The following VPS26A variants were observed in gnomAD, a reference collection of about 807,000 sequenced individuals.
VPS26A encodes vacuolar protein sorting-associated protein 26A.
A neutral mutation model predicts 42.4 loss-of-function variants in VPS26A; 22 were observed. The observed-to-expected ratio is 0.52, with a 90% confidence interval of 0.37 to 0.74. VPS26A has a LOEUF of 0.74. VPS26A is among the 30% of genes least tolerant of loss of function. The probability of loss-of-function intolerance (pLI) is 0.00; values close to 1 mark genes in which losing one functional copy is unlikely to be tolerated. For synonymous variants in VPS26A, 110 were observed against 123.5 expected, an observed-to-expected ratio of 0.89 and a Z score of 0.73; for missense variants, 276 against 379.2, an observed-to-expected ratio of 0.73 and a Z score of 2.26.
intron 8 of VPS26A, 138 bp from the exon 9 acceptor site, chr10:69,171,018 G>A: frequency 1.5e-6 from 1 of 682,124 alleles, no homozygotes; most frequent in Non-Finnish European, 2.4e-6. Flanking sequence ...GGAAGAAAGT[G>A]GAAAAGAAGT....
chr10:69,140,876 A>C (rs572547248), intron 2 of VPS26A, among the ~76,000 whole-genome samples: 49 of 152,306 alleles, frequency 3.2e-4, no homozygotes, highest in African/African-American at 1.1e-3. Context: ...GGGAGTTCTT[A>C]GGTCCATCAG....
At position 69,171,341 on chromosome 10, in the gene VPS26A, T is replaced by C. The variant is rs1424154602; in HGVS notation, c.*72T>C. On this transcript the variant is annotated 3_prime_UTR_variant, in exon 9 of 9. Coordinates refer to ENST00000263559, the MANE Select transcript of VPS26A (RefSeq NM_004896.5). The stretch of plus-strand genomic sequence containing the variant: ...GAGATTAAGTTCAGCAGGTTAAAGA[T>C]GGTTGCAGCTGGAGGGGGCGGAAAA... 1 of 1,415,376 alleles carries C rather than the reference T, an allele frequency of 7.1e-7. No individual in the cohort carries two copies. Among genetic ancestry groups the C allele is most frequent in the East Asian group, 2.3e-5 (1 of 43,366 alleles). The allele number at this position is 1,415,376 out of a possible 1,614,324, so 87.7% of individuals were successfully genotyped here.
intron 2 of VPS26A, among the ~76,000 whole-genome samples, chr10:69,136,544 C>G (rs1010920145): frequency 6.6e-6 from 1 of 152,016 alleles, no homozygotes; most frequent in Non-Finnish European, 1.5e-5. Context: ...TGCTGGATTA[C>G]AGGCGTGAGC....
intron 1 of VPS26A, among the ~76,000 whole-genome samples, chr10:69,131,896 A>C (rs1840787177): frequency 6.6e-6 from 1 of 152,200 alleles, no homozygotes; most frequent in South Asian, 2.1e-4. Flanking sequence ...TTGCTAATGG[A>C]TTCTGTATTA....
chr10:69,162,945 AAAAC>A (rs1464248124), intron 6 of VPS26A, among the ~76,000 whole-genome samples: 3 of 152,056 alleles, frequency 2.0e-5, no homozygotes. Context: ...AAAAAAAAGA[AAAAC>A]AAAAACCAAA....
At chr10:69,168,672 T>A (rs760665120) in intron 8 of VPS26A, 41 bp downstream of exon 8, 1 of 1,594,748 alleles carries the variant, frequency 6.3e-7, no homozygotes, top group South Asian at 1.1e-5. Context: ...CTGCGGCAGA[T>A]CTAAAAATAC....
intron 2 of VPS26A, among the ~76,000 whole-genome samples, chr10:69,136,632 A>G (rs1840918683): frequency 6.6e-6 from 1 of 152,056 alleles, no homozygotes; most frequent in Non-Finnish European, 1.5e-5. Context: ...TGGGAGTTGC[A>G]GAATGGTGAT....
intron 2 of VPS26A, among the ~76,000 whole-genome samples, chr10:69,151,618 A>C (rs1841317464): frequency 6.6e-6 from 1 of 152,212 alleles, no homozygotes; most frequent in African/African-American, 2.4e-5. Context: ...CTTAAAAGCA[A>C]CTGTGTTTTA....
In VPS26A at chr10:69,173,857, C is replaced by T. The variant is rs377300240; in HGVS notation, c.*2588C>T. On this transcript the variant is annotated 3_prime_UTR_variant, in exon 9 of 9. Transcript: ENST00000263559. ...CTCTACCAAAAATGCATTAGTCGGG[C>T]GTGGTGGCACATGCCTGTAATCCCA... Among the ~76,000 whole-genome samples the T allele has an allele frequency of 7.9e-5, 12 of 152,054 alleles. No homozygotes were observed. The highest frequency in any genetic ancestry group is 1.6e-4 in the Non-Finnish European group (11 of 68,012).
chr10:69,139,049 T>G (rs1006374473), intron 2 of VPS26A, among the ~76,000 whole-genome samples: 2 of 152,156 alleles, frequency 1.3e-5, no homozygotes, highest in African/African-American at 4.8e-5. Flanking sequence ...CCTCACTTAG[T>G]CTTGGTTTTA....
intron 1 of VPS26A, among the ~76,000 whole-genome samples, chr10:69,126,874 AT>A (rs1307240217): frequency 2.7e-5 from 1 of 37,628 alleles, no homozygotes; most frequent in African/African-American, 4.5e-5. Context: ...TTCCTCAGTT[AT>A]TTTTTTCTTT....
chr10:69,124,514 C>T (rs1323685873), intron 1 of VPS26A, among the ~76,000 whole-genome samples: 2 of 152,200 alleles, frequency 1.3e-5, no homozygotes, highest in Non-Finnish European at 2.9e-5. Context: ...CTGGCCATGT[C>T]GGAGCCTCTG....
intron 5 of VPS26A, chr10:69,161,710 TC>T: frequency 2.6e-6 from 1 of 390,372 alleles, no homozygotes; most frequent in Non-Finnish European, 5.1e-6. Context: ...ACAAAGGGCC[TC>T]CACCAACTTA....
chr10:69,147,121 G>A (rs1841177956), intron 2 of VPS26A, among the ~76,000 whole-genome samples: 1 of 152,034 alleles, frequency 6.6e-6, no homozygotes, highest in African/African-American at 2.4e-5. Context: ...TATTTTAGTG[G>A]GTATAAAGTG....
intron 6 of VPS26A, 62 bp from the exon 7 acceptor site, chr10:69,165,980 C>A: frequency 6.8e-7 from 1 of 1,465,888 alleles, no homozygotes; most frequent in Non-Finnish European, 9.5e-7. Context: ...AATAAGAAGG[C>A]ATAAGGCTAG....
intron 3 of VPS26A, 82 bp from the exon 4 acceptor site, chr10:69,156,925 C>A: frequency 8.0e-7 from 1 of 1,257,532 alleles, no homozygotes; most frequent in South Asian, 1.7e-5. Context: ...TGGTAAAAAT[C>A]GTTTGTGTTT....
intron 6 of VPS26A, among the ~76,000 whole-genome samples, chr10:69,165,301 T>A (rs1396082350): frequency 2.6e-5 from 4 of 152,170 alleles, no homozygotes; most frequent in Admixed American, 1.3e-4. Flanking sequence ...ATTCATAATT[T>A]AAAACATCTG....
chr10:69,124,347 A>T (rs938403522), intron 1 of VPS26A, 67 bp downstream of exon 1: 6 of 1,223,970 alleles, frequency 4.9e-6, no homozygotes, highest in Non-Finnish European at 6.2e-6. Context: ...GGGCCGGCCA[A>T]CCGCGGGCCG....
intron 2 of VPS26A, among the ~76,000 whole-genome samples, chr10:69,143,545 G>A (rs1055426568): frequency 6.6e-6 from 1 of 151,960 alleles, no homozygotes; most frequent in African/African-American, 2.4e-5. Flanking sequence ...TTAGAGATAC[G>A]CAAAATAAAT....
Sources: gnomAD v4.1 joint callset for allele counts (sites outside exome capture counted in the v4.1 genomes callset) on GRCh38, gnomAD v4.1.1 for gene constraint, MANE v1.5 for transcripts, NCBI Gene and HGNC (gene_info 2026-07-23, HGNC 2026-07-21) for gene names.